GAS7: variants seen among roughly 807,000 people sequenced by gnomAD.
GAS7 encodes the protein growth arrest-specific protein 7.
Under a neutral mutation model 71.1 loss-of-function variants are expected in GAS7, and 28 were observed. That is an observed-to-expected ratio of 0.39 (90% CI 0.29 to 0.54). GAS7 has a LOEUF of 0.54. Ranked by LOEUF, GAS7 falls within the 20% of genes least tolerant of loss-of-function variation. The probability of loss-of-function intolerance (pLI) is 0.62; values close to 1 mark genes in which losing one functional copy is unlikely to be tolerated. For missense variants in GAS7, 436 were observed against 627.8 expected (o/e 0.69, Z 3.27); for synonymous variants, 258 against 245.8 (o/e 1.05, Z -0.46).
intron 1 of GAS7, among the ~76,000 whole-genome samples, chr17:10,159,195 G>A (rs1335219786): frequency 6.6e-6 from 1 of 150,442 alleles, no homozygotes; most frequent in Admixed American, 6.7e-5. Flanking sequence ...CAAGGATGTA[G>A]AACTATGAGA....
At chr17:9,922,486 C>T (rs2067854143) in intron 11 of GAS7, among the ~76,000 whole-genome samples, 1 of 152,196 alleles carries the variant, frequency 6.6e-6, no homozygotes, top group Non-Finnish European at 1.5e-5. Flanking sequence ...TACCTCCCTG[C>T]AGGGGGACTG....
chr17:10,109,807 G>A lies in GAS7; in HGVS notation c.183+88401C>T, dbSNP rs190049427. On this transcript the variant is annotated intron_variant, in intron 1 of 13. Transcript: ENST00000432992. ...GCGGTGGTACACGCCTGTAATCCCA[G>A]CACTTTGGGAGGCAGAGGCGGGTGG... is the stretch of plus-strand genomic sequence containing the variant. Among the ~76,000 whole-genome samples the A allele has an allele frequency of 1.3e-3, 204 of 152,210 alleles. 1 individual carries two copies. Among genetic ancestry groups the A allele is most frequent in the African/African-American group, 4.6e-3 (191 of 41,528 alleles).
intron 2 of GAS7, among the ~76,000 whole-genome samples, chr17:10,019,386 C>G (rs1257793751): frequency 1.3e-5 from 2 of 152,146 alleles, no homozygotes; most frequent in Non-Finnish European, 2.9e-5. Flanking sequence ...CTTCAAAATT[C>G]CAAGACATCA....
intron 2 of GAS7, among the ~76,000 whole-genome samples, chr17:10,008,579 T>C (rs1392738134): frequency 1.3e-5 from 2 of 152,110 alleles, no homozygotes; most frequent in African/African-American, 4.8e-5. Flanking sequence ...TGGTGAAAAA[T>C]GAGGGGTGTG....
chr17:10,148,839 G>A (rs2074141654), intron 1 of GAS7, among the ~76,000 whole-genome samples: 1 of 151,486 alleles, frequency 6.6e-6, no homozygotes, highest in Non-Finnish European at 1.5e-5. Flanking sequence ...GAACCTGGGA[G>A]GCGGAGCTTG....
At chr17:10,170,899 T>G (rs753196025) in intron 1 of GAS7, among the ~76,000 whole-genome samples, 4 of 152,154 alleles carry the variant, frequency 2.6e-5, no homozygotes, top group Admixed American at 1.3e-4. Flanking sequence ...CTGCCACACA[T>G]AAATACCATC....
chr17:10,141,990 G>GA (rs1307780834), intron 1 of GAS7, among the ~76,000 whole-genome samples: 6 of 150,330 alleles, frequency 4.0e-5, no homozygotes, highest in Admixed American at 1.3e-4. Context: ...GCACTTTGGG[G>GA]GGCCGAGGTG....
intron 1 of GAS7, among the ~76,000 whole-genome samples, chr17:10,037,998 G>C (rs912568762): frequency 6.6e-6 from 1 of 151,822 alleles, no homozygotes; most frequent in East Asian, 1.9e-4. Context: ...AATCATGAGG[G>C]AAATGCAAAT....
At chr17:10,144,011 A>C (rs937875232) in intron 1 of GAS7, among the ~76,000 whole-genome samples, 13 of 152,328 alleles carry the variant, frequency 8.5e-5, no homozygotes, top group Middle Eastern at 6.8e-3. Context: ...TGGCAGGAAG[A>C]GCTAAGAATA....
chr17:9,943,823 G>A (rs1218123959), intron 6 of GAS7, among the ~76,000 whole-genome samples: 3 of 152,186 alleles, frequency 2.0e-5, no homozygotes, highest in African/African-American at 7.2e-5. Context: ...TACTAGCTGG[G>A]TGACCTTGGC....
intron 1 of GAS7, among the ~76,000 whole-genome samples, chr17:10,023,107 C>T (rs2072334130): frequency 1.3e-5 from 2 of 152,208 alleles, no homozygotes; most frequent in African/African-American, 4.8e-5. Context: ...GATACTGAGC[C>T]GTGAAGGGCC....
intron 1 of GAS7, among the ~76,000 whole-genome samples, chr17:10,178,006 G>A (rs2074385766): frequency 6.6e-6 from 1 of 152,094 alleles, no homozygotes; most frequent in Non-Finnish European, 1.5e-5. Context: ...GGCAGGGAAG[G>A]AATGTCAGCA....
At chr17:10,148,321 C>G (rs1227783183) in intron 1 of GAS7, among the ~76,000 whole-genome samples, 1 of 151,956 alleles carries the variant, frequency 6.6e-6, no homozygotes, top group Admixed American at 6.6e-5. Flanking sequence ...AATCCTCTCT[C>G]AGTTAAGAGC....
chr17:10,127,060 G>A (rs1001912530), intron 1 of GAS7, among the ~76,000 whole-genome samples: 4 of 152,170 alleles, frequency 2.6e-5, no homozygotes, highest in African/African-American at 7.2e-5. Context: ...ATTGTTTGTT[G>A]TTGTTGTTAG....
chr17:10,009,334 A>AAAAAAAAAAAC (rs2071667764), intron 2 of GAS7, among the ~76,000 whole-genome samples: 1 of 151,388 alleles, frequency 6.6e-6, no homozygotes, highest in Non-Finnish European at 1.5e-5. Context: ...AAAAAAAAAA[A>AAAAAAAAAAAC]AAGTGTTCTA....
chr17:9,926,588 T>G lies in GAS7; in HGVS notation c.1014+53A>C. The G allele has an allele frequency of 6.3e-7, 1 of 1,593,792 alleles. No individual in the cohort carries two copies. Among genetic ancestry groups the G allele is most frequent in the South Asian group, 1.1e-5 (1 of 90,830 alleles). ...ACTGCTGGCTTCCCAGTCCCCCTTC[T>G]TCCAGGCAGTCCCCCATGCACCTGC... On this transcript the variant is annotated intron_variant, in intron 10 of 13. Coordinates refer to ENST00000432992, the MANE Select transcript of GAS7 (RefSeq NM_201433.2). The surrounding 1 kb of genome is among the most constrained non-coding windows in gnomAD (Gnocchi z 5.0).
chr17:9,994,317 T>C (rs2070955076), intron 2 of GAS7, among the ~76,000 whole-genome samples: 1 of 149,330 alleles, frequency 6.7e-6, no homozygotes, highest in Non-Finnish European at 1.5e-5. Context: ...AGCATGGTAC[T>C]GGTACCAAAA....
At chr17:10,167,029 A>G (rs1435802108) in intron 1 of GAS7, among the ~76,000 whole-genome samples, 2 of 104,706 alleles carry the variant, frequency 1.9e-5, no homozygotes, top group East Asian at 5.1e-4. Flanking sequence ...AAACCAATCT[A>G]CTATTTCCAT....
intron 8 of GAS7, among the ~76,000 whole-genome samples, chr17:9,936,088 A>G (rs1346746743): frequency 1.3e-5 from 2 of 152,224 alleles, no homozygotes; most frequent in East Asian, 3.9e-4. Flanking sequence ...ACAACCGTAC[A>G]TCCACAGGAG....
Sources: gnomAD v4.1 joint callset for allele counts (sites outside exome capture counted in the v4.1 genomes callset) on GRCh38, gnomAD v4.1.1 for gene constraint, Gnocchi (gnomAD v3.1) non-coding constraint, MANE v1.5 for transcripts, NCBI Gene and HGNC (gene_info 2026-07-23, HGNC 2026-07-21) for gene names.